KCNQ1: variants seen among roughly 807,000 people sequenced by gnomAD.
KCNQ1 encodes potassium voltage-gated channel subfamily Q member 1, also known as potassium voltage-gated channel subfamily KQT member 1.
KCNQ1 carries 49 observed loss-of-function variants against 72.4 expected under a neutral mutation model. The observed-to-expected ratio is 0.68, with a 90% confidence interval of 0.54 to 0.86. KCNQ1 has a LOEUF of 0.86. Ranked by LOEUF, KCNQ1 falls within the 40% of genes least tolerant of loss-of-function variation. The pLI is 0.00. For missense variants in KCNQ1, 790 were observed against 945.1 expected, an observed-to-expected ratio of 0.84 and a Z score of 2.15; for synonymous variants, 450 against 412.6, an observed-to-expected ratio of 1.09 and a Z score of -1.10.
intron 15 of KCNQ1, among the ~76,000 whole-genome samples, chr11:2,820,564 CTGTTTGTT>C (rs3079085): frequency 4.3e-4 from 65 of 151,830 alleles, no homozygotes; most frequent in African/African-American, 1.5e-3. Flanking sequence ...ACTTACCTTG[CTGTTTGTT>C]TGTTTGTTTG....
At position 2,492,399 on chromosome 11, in the gene KCNQ1, G is replaced by A. The variant is rs1018128415; in HGVS notation, c.387-35529G>A. On this transcript the variant is annotated intron_variant, in intron 1 of 15. Transcript: ENST00000155840. This position sits in a 1 kb window ranked among gnomAD's most constrained non-coding sequence, Gnocchi z 4.1. ...TGGAATACGTGTGCTGAACGTGCAG[G>A]TTTGTTACATACGTATACAGTGCCA... 1.3e-5 allele frequency among the ~76,000 whole-genome samples: 2 copies of A among 152,166 alleles called. No individual in the cohort carries two copies. The highest frequency in any genetic ancestry group is 2.4e-5 in the African/African-American group (1 of 41,422).
At position 2,766,847 on chromosome 11, in the gene KCNQ1, G is replaced by A. The variant is rs186497309; in HGVS notation, c.1515-1997G>A. On this transcript the variant is annotated intron_variant, in intron 11 of 15. Transcript: ENST00000155840. The surrounding 1 kb of genome is among the most constrained non-coding windows in gnomAD (Gnocchi z 4.4). ...CTTATTTCTGTATCAGTTACCTATT[G>A]TTGCGTAGCAAACTAGACCTAAATT... Among the ~76,000 whole-genome samples the A allele has an allele frequency of 2.6e-5, 4 of 152,156 alleles. No individual in the cohort carries two copies. The highest frequency in any genetic ancestry group is 9.7e-5 in the African/African-American group (4 of 41,416).
chr11:2,696,309 A>T (rs1850675386), intron 11 of KCNQ1: 5 of 398,582 alleles, frequency 1.3e-5, no homozygotes, highest in African/African-American at 2.1e-5. Flanking sequence ...AGGAATCCAT[A>T]TTCCTATTCC....
chr11:2,833,590 C>T (rs1201255569), intron 15 of KCNQ1, among the ~76,000 whole-genome samples: 1 of 152,214 alleles, frequency 6.6e-6, no homozygotes, highest in East Asian at 1.9e-4. Flanking sequence ...AGGCAAGAGG[C>T]TGGGTTCCTG....
chr11:2,697,113 T>TA (rs1245916047), intron 11 of KCNQ1: 1 of 398,624 alleles, frequency 2.5e-6, no homozygotes, highest in South Asian at 1.3e-4. Context: ...CTCACAAAGA[T>TA]AAAGAGTTTT....
At position 2,491,134 on chromosome 11, in the gene KCNQ1, A is replaced by G. The variant is rs1351742415; in HGVS notation, c.387-36794A>G. Among the ~76,000 whole-genome samples, 1 of 152,242 alleles carries G rather than the reference A, an allele frequency of 6.6e-6. No homozygotes were observed. Among genetic ancestry groups the G allele is most frequent in the Non-Finnish European group, 1.5e-5 (1 of 68,050 alleles). ...AATACCTGGAAAGCTTTACCAAGAAAGATGGGTACAAACAAGCCCAGACTG... is the reference window on the plus strand; with the variant it reads ...AATACCTGGAAAGCTTTACCAAGAAGGATGGGTACAAACAAGCCCAGACTG... On this transcript the variant is annotated intron_variant, in intron 1 of 15. Coordinates refer to ENST00000155840, the MANE Select transcript of KCNQ1 (RefSeq NM_000218.3). The surrounding 1 kb of genome is among the most constrained non-coding windows in gnomAD (Gnocchi z 4.1).
At chr11:2,701,543 C>T (rs947931158) in intron 11 of KCNQ1, among the ~76,000 whole-genome samples, 26 of 152,348 alleles carry the variant, frequency 1.7e-4, no homozygotes, top group African/African-American at 6.3e-4. Flanking sequence ...GCACCCCAGA[C>T]TCAGGGTTTC....
chr11:2,592,184 C>G lies in KCNQ1; in HGVS notation c.1393+3330C>G, dbSNP rs528756928. Among the ~76,000 whole-genome samples the G allele has an allele frequency of 9.9e-5, 15 of 152,248 alleles. No individual in the cohort carries two copies. The highest frequency in any genetic ancestry group is 1.6e-4 in the Non-Finnish European group (11 of 68,050). ...CACACAAGCCCCTTCAGCTCGTGCT[C>G]TAGCTGGTGCTGTGCGGTGTTGGCC... is the stretch of plus-strand genomic sequence containing the variant. On this transcript the variant is annotated intron_variant, in intron 10 of 15. Coordinates refer to ENST00000155840, the MANE Select transcript of KCNQ1 (RefSeq NM_000218.3). This position sits in a 1 kb window ranked among gnomAD's most constrained non-coding sequence, Gnocchi z 5.2.
chr11:2,616,025 A>C lies in KCNQ1; in HGVS notation c.1393+27171A>C, dbSNP rs567778579. ...TTGGAAGGTTTTTGGTTACTGATTC[A>C]AACTTTCTACTTGTTATGGGTCTGC... On this transcript the variant is annotated intron_variant, in intron 10 of 15. Coordinates refer to ENST00000155840, the MANE Select transcript of KCNQ1 (RefSeq NM_000218.3). 553 of 398,140 alleles carry C rather than the reference A, an allele frequency of 1.4e-3. 1 individual carries two copies. Among genetic ancestry groups the C allele is most frequent in the African/African-American group, 1.0e-2 (486 of 48,726 alleles). The allele number at this position is 398,140 out of a possible 1,614,324, so 24.7% of individuals were successfully genotyped here.
chr11:2,535,126 G>C (rs1296559971), intron 2 of KCNQ1, among the ~76,000 whole-genome samples: 1 of 152,260 alleles, frequency 6.6e-6, no homozygotes, highest in Non-Finnish European at 1.5e-5. Flanking sequence ...TCACTCATCT[G>C]TCCTGAGACC....
intron 11 of KCNQ1, among the ~76,000 whole-genome samples, chr11:2,727,562 G>C (rs1845787054): frequency 1.3e-5 from 2 of 152,174 alleles, no homozygotes; most frequent in Non-Finnish European, 2.9e-5. Context: ...ACTGGCCCCA[G>C]CAGCTCCACG....
At chr11:2,838,549 A>G (rs1483118302) in intron 15 of KCNQ1, among the ~76,000 whole-genome samples, 1 of 151,942 alleles carries the variant, frequency 6.6e-6, no homozygotes, top group Non-Finnish European at 1.5e-5. Context: ...CTGCTTGTGG[A>G]CTTCCGGGGA....
intron 1 of KCNQ1, among the ~76,000 whole-genome samples, chr11:2,518,362 C>T (rs1186387858): frequency 2.6e-5 from 4 of 152,236 alleles, no homozygotes; most frequent in African/African-American, 4.8e-5. Flanking sequence ...AGGGTAGACG[C>T]TGCCTTGGGA....
At chr11:2,584,631 TTGTG>T (rs1048098266) in intron 7 of KCNQ1, among the ~76,000 whole-genome samples, 3 of 151,126 alleles carry the variant, frequency 2.0e-5, no homozygotes, top group African/African-American at 4.9e-5. Flanking sequence ...GTGTTAGTGT[TTGTG>T]TGTTAGTGTG....
chr11:2,732,944 C>T (rs575386946), intron 11 of KCNQ1, among the ~76,000 whole-genome samples: 64 of 152,200 alleles, frequency 4.2e-4, no homozygotes, highest in Admixed American at 1.2e-3. Context: ...CCCAGAAACT[C>T]GAGGCTCCTG....
chr11:2,752,539 A>C lies in KCNQ1; in HGVS notation c.1515-16305A>C, dbSNP rs1233398413. The stretch of plus-strand genomic sequence containing the variant: ...GGAAGCACAGGGTCAGGGCGCCAGC[A>C]GATCTGGTGTCTGGTAAGGGGTCTG... On this transcript the variant is annotated intron_variant, in intron 11 of 15. Coordinates refer to ENST00000155840, the MANE Select transcript of KCNQ1 (RefSeq NM_000218.3). The surrounding 1 kb of genome is among the most constrained non-coding windows in gnomAD (Gnocchi z 5.2). 6.6e-6 allele frequency among the ~76,000 whole-genome samples: 1 copy of C among 152,168 alleles called. No individual in the cohort carries two copies. Among genetic ancestry groups the C allele is most frequent in the Non-Finnish European group, 1.5e-5 (1 of 68,038 alleles).
At chr11:2,688,429 C>T in intron 11 of KCNQ1, 1 of 398,756 alleles carries the variant, frequency 2.5e-6, no homozygotes, top group Admixed American at 4.4e-5. Context: ...TGGGCCCCAG[C>T]CCCTGCCTGT....
At chr11:2,506,461 GGCATTTAGGTTGTTCTGATATTGT>G (rs1274737554) in intron 1 of KCNQ1, among the ~76,000 whole-genome samples, 1 of 152,120 alleles carries the variant, frequency 6.6e-6, no homozygotes, top group Non-Finnish European at 1.5e-5. Context: ...CCTATTTATG[GGCATTTAGGTTGTTCTGATATTGT>G]GCAATGATAA....
In KCNQ1 at chr11:2,598,955, T is replaced by G. The variant is rs535500871; in HGVS notation, c.1393+10101T>G. ...CTTGTGTCTCTGTCTGCTGCCAAAT[T>G]GGCCTCAGGCTCTATCAATACCAGA... On this transcript the variant is annotated intron_variant, in intron 10 of 15. Transcript: ENST00000155840. The surrounding 1 kb of genome is among the most constrained non-coding windows in gnomAD (Gnocchi z 6.2). 1.3e-5 allele frequency among the ~76,000 whole-genome samples: 2 copies of G among 152,248 alleles called. No homozygotes were observed. Among genetic ancestry groups the G allele is most frequent in the Non-Finnish European group, 2.9e-5 (2 of 68,046 alleles).
Sources: gnomAD v4.1 joint callset for allele counts (sites outside exome capture counted in the v4.1 genomes callset) on GRCh38, gnomAD v4.1.1 for gene constraint, Gnocchi (gnomAD v3.1) non-coding constraint, MANE v1.5 for transcripts, NCBI Gene and HGNC (gene_info 2026-07-23, HGNC 2026-07-21) for gene names.